Variants in PNPLA6 observed in about 807,000 individuals in gnomAD.
The protein encoded by PNPLA6 is patatin like domain 6, lysophospholipase.
Under a neutral mutation model 153.7 loss-of-function variants are expected in PNPLA6, and 105 were observed. The observed-to-expected ratio is 0.68, with a 90% CI of 0.58 to 0.80. PNPLA6 has a LOEUF of 0.80. PNPLA6 is among the 30% of genes least tolerant of loss of function. PNPLA6 has a pLI of 0.00. For missense variants in PNPLA6, 1,423 were observed against 1,919.3 expected, an observed-to-expected ratio of 0.74 and a Z score of 4.83; for synonymous variants, 825 against 822.2, an observed-to-expected ratio of 1.00 and a Z score of -0.06.
rs377397889 is a variant in PNPLA6 at position 7,543,024 on chromosome 19, C to G, written c.1548C>G (p.Asn516Lys). The G allele has an allele frequency of 1.2e-6, 2 of 1,614,040 alleles. No individual in the cohort carries two copies. Among genetic ancestry groups the G allele is most frequent in the Admixed American group, 1.7e-5 (1 of 60,024 alleles). The stretch of plus-strand genomic sequence containing the variant: ...CTCCCCAGGACCCCTCCCTCCTGAA[C>G]AGCAGAGTCTTGCTGCACCACGCCA... ...LMRIEDPSLL[N>K]SRVLLHHAKA... Residue 516 changes from asparagine (N) to lysine (K), a missense_variant, in exon 13 of 32, where the codon AAC (asparagine) becomes AAG (lysine). Transcript: ENST00000600737.
At chr19:7,538,651 G>A (rs2022983112) in intron 3 of PNPLA6, among the ~76,000 whole-genome samples, 1 of 152,268 alleles carries the variant, frequency 6.6e-6, no homozygotes, top group African/African-American at 2.4e-5. Flanking sequence ...GGGGCTATCT[G>A]GATTCTCCAC....
At position 7,551,059 on chromosome 19, in the gene PNPLA6, C is replaced by T; in HGVS notation, c.2136C>T (p.Ala712=). The T allele has an allele frequency of 1.3e-6, 2 of 1,548,090 alleles. No individual in the cohort carries two copies. Among genetic ancestry groups the T allele is most frequent in the East Asian group, 2.5e-5 (1 of 40,798 alleles). ...ACGCGGTGCGCGACACGGAGCTGGC[C>T]AAGCTTCCCGAGGGCACCTTGGGTC... ...TVHAVRDTEL[A]KLPEGTLGHI... is the part of the protein sequence containing the mutation. The change falls in exon 17 of 32, where the codon GCC becomes GCT. Residue 712 remains alanine, a synonymous_variant. Transcript: ENST00000600737.
Position 7,541,712 on chromosome 19 carries a change from C to T in PNPLA6, c.1168+28C>T, listed in dbSNP as rs558353530. The T allele has an allele frequency of 2.6e-6, 4 of 1,552,436 alleles. No individual in the cohort carries two copies. Among genetic ancestry groups the T allele is most frequent in the Non-Finnish European group, 3.5e-6 (4 of 1,152,814 alleles). Reference sequence around the variant, plus strand: ...ACCCAGGGACCCGAGGCCAGCCGAGCCCAATCTCCCAGGAAGCCCCGTCTC... The same window carrying T: ...ACCCAGGGACCCGAGGCCAGCCGAGTCCAATCTCCCAGGAAGCCCCGTCTC... On this transcript the variant is annotated intron_variant, in intron 9 of 31. Transcript: ENST00000600737. The surrounding 1 kb of genome is among the most constrained non-coding windows in gnomAD (Gnocchi z 5.2).
chr19:7,543,114 C>T, intron 13 of PNPLA6, 30 bp downstream of exon 13: 3 of 1,578,130 alleles, frequency 1.9e-6, no homozygotes, highest in Non-Finnish European at 1.7e-6. Flanking sequence ...TGTAACCATG[C>T]CACCTGAGAT....
chr19:7,543,087 G>T lies in PNPLA6; in HGVS notation c.1608+3G>T. On this transcript the variant is annotated splice_donor_region_variant and intron_variant, in intron 13 of 31. Coordinates refer to ENST00000600737, the MANE Select transcript of PNPLA6 (RefSeq NM_001166114.2). ...TCATTGCCCGCCAGGGAGACCAGGT[G>T]AGGCTGACCCCTGACCTGTAACCAT... 1 of 1,612,714 alleles carries T rather than the reference G, an allele frequency of 6.2e-7. No individual in the cohort carries two copies. Among genetic ancestry groups the T allele is most frequent in the Non-Finnish European group, 8.5e-7 (1 of 1,179,004 alleles).
Position 7,535,932 on chromosome 19 carries a change from G to A in PNPLA6, c.144G>A (p.Gln48=). 1.3e-6 allele frequency: 2 copies of A among 1,581,142 alleles called. No individual in the cohort carries two copies. The highest frequency in any genetic ancestry group is 1.7e-6 in the Non-Finnish European group (2 of 1,169,004). The change falls in exon 1 of 32, where the codon CAG becomes CAA. Residue 48 remains glutamine (Q), a synonymous_variant. Coordinates refer to ENST00000600737, the MANE Select transcript of PNPLA6 (RefSeq NM_001166114.2). This position sits in a 1 kb window ranked among gnomAD's most constrained non-coding sequence, Gnocchi z 5.0. The part of the protein sequence containing the change: ...CGAQPVPFVP[Q]VLGVMIGAGV... ...CGCAGCCAGTGCCGTTCGTCCCTCA[G>A]GTGCTTGGCGTGATGATCGGGGCCG...
In PNPLA6 at chr19:7,555,340, C is replaced by A. The variant is rs1265732248; in HGVS notation, c.2909C>A (p.Ala970Asp). Reference sequence around the variant, plus strand: ...AGGGTGCTCACGGGGAACACCATTGCCCTTGTGCTAGGCGGGGGCGGGGCC... The same window carrying A: ...AGGGTGCTCACGGGGAACACCATTGACCTTGTGCTAGGCGGGGGCGGGGCC... ...LARVLTGNTI[A>D]LVLGGGGARG... The change falls in exon 23 of 32, where the codon GCC (alanine) becomes GAC (aspartate). Residue 970 changes from alanine to aspartate, a missense_variant. This residue lies in a region of PNPLA6 where 643 missense variants were observed against 835.2 expected (regional missense o/e 0.77). Coordinates refer to ENST00000600737, the MANE Select transcript of PNPLA6 (RefSeq NM_001166114.2). The surrounding 1 kb of genome is among the most constrained non-coding windows in gnomAD (Gnocchi z 6.3). The A allele has an allele frequency of 1.3e-6, 2 of 1,565,308 alleles. No homozygotes were observed. Among genetic ancestry groups the A allele is most frequent in the African/African-American group, 1.4e-5 (1 of 73,676 alleles).
At position 7,536,322 on chromosome 19, in the gene PNPLA6, C is replaced by G. The variant is rs371399667; in HGVS notation, c.315+49C>G. 1.5e-4 allele frequency: 220 copies of G among 1,493,862 alleles called. No individual in the cohort carries two copies. The African/African-American group carries it at 2.5e-3, about 17-fold the overall frequency. 92.5% of individuals were successfully genotyped at this position (1,493,862 alleles called of 1,614,324 possible). A position where few individuals can be genotyped will look rare whatever the true frequency, so the allele number is the denominator to read the frequency against. ...CGCCCTGACCACACAGAGGCCGCGC[C>G]CCTTCCCTATTTACACTTCTTAGTG... On this transcript the variant is annotated intron_variant, in intron 2 of 31. Transcript: ENST00000600737.
intron 3 of PNPLA6, among the ~76,000 whole-genome samples, chr19:7,536,926 C>CAAAAAAAAAA (rs56310906): frequency 5.6e-5 from 3 of 53,964 alleles, no homozygotes; most frequent in African/African-American, 7.3e-5. Flanking sequence ...GACTCTGTCT[C>CAAAAAAAAAA]AAAAAAAAAA....
rs1193421885 is a variant in PNPLA6, at chr19:7,535,876, G to A, written c.88G>A (p.Gly30Arg). The change falls in exon 1 of 32, where the codon GGG (glycine) becomes AGG (arginine). Residue 30 changes from glycine (G) to arginine (R), a missense_variant. Physicochemically the swap from Gly to Arg is moderately radical, Grantham distance 125. Around this residue, in one of 10 missense-constraint regions of PNPLA6, gnomAD observed 109 missense variants for 109.4 expected, o/e 1.00. Transcript: ENST00000600737. The surrounding 1 kb of genome is among the most constrained non-coding windows in gnomAD (Gnocchi z 5.0). ...TGGGTTCCAGGACGTCCTGGCGCCC[G>A]GGGAAGGCTCGGCGGGACGGATTTG... ...RDGFQDVLAP[G>R]EGSAGRICGA... The A allele has an allele frequency of 3.9e-6, 6 of 1,543,162 alleles. No individual in the cohort carries two copies. In the Admixed American group the frequency reaches 7.8e-5, roughly 20 times the overall value.
Position 7,556,890 on chromosome 19 carries a change from C to A in PNPLA6, c.3280+166C>A, listed in dbSNP as rs545950884. ...CCACCCACTAATGCCCCGGAGACCC[C>A]AGGTACGTCCGTCCTTGGGGGAGGG... On this transcript the variant is annotated intron_variant, in intron 26 of 31. Transcript: ENST00000600737. 7.1e-6 allele frequency: 5 copies of A among 703,376 alleles called. No individual in the cohort carries two copies. The East Asian group carries it at 1.3e-4, about 19-fold the overall frequency. The allele number at this position is 703,376 out of a possible 1,614,324, so 43.6% of individuals were successfully genotyped here. A position where few individuals can be genotyped will look rare whatever the true frequency, so the allele number is the denominator to read the frequency against.
chr19:7,541,926 C>A lies in PNPLA6; in HGVS notation c.1169-58C>A. 5.5e-6 allele frequency: 8 copies of A among 1,447,710 alleles called. No individual in the cohort carries two copies. The highest frequency in any genetic ancestry group is 1.1e-5 in the South Asian group (1 of 88,052). The allele number at this position is 1,447,710 out of a possible 1,614,324, so 89.7% of individuals were successfully genotyped here. A position where few individuals can be genotyped will look rare whatever the true frequency, so the allele number is the denominator to read the frequency against. On this transcript the variant is annotated intron_variant, in intron 9 of 31. Coordinates refer to ENST00000600737, the MANE Select transcript of PNPLA6 (RefSeq NM_001166114.2). The surrounding 1 kb of genome is among the most constrained non-coding windows in gnomAD (Gnocchi z 5.2). ...TCGCCAGCATCTCCTTATCTCCCAA[C>A]CTGCTAATCCTCCTAGTGGCTCTGA...
Position 7,548,966 on chromosome 19 carries a change from C to T in PNPLA6, c.1609-941C>T, listed in dbSNP as rs1358010640. Reference sequence around the variant, plus strand: ...TACAGGCGCCCGCCACCACGCCTGGCTAATTTTTTGTACTTTTAGTAGAGA... The same window carrying T: ...TACAGGCGCCCGCCACCACGCCTGGTTAATTTTTTGTACTTTTAGTAGAGA... On this transcript the variant is annotated intron_variant, in intron 13 of 31. Coordinates refer to ENST00000600737, the MANE Select transcript of PNPLA6 (RefSeq NM_001166114.2). Among the ~76,000 whole-genome samples, 5 of 151,036 alleles carry T rather than the reference C, an allele frequency of 3.3e-5. No individual in the cohort carries two copies. In the East Asian group the frequency reaches 9.8e-4, roughly 30 times the overall value.
chr19:7,543,813 C>G (rs1006559262), intron 13 of PNPLA6, among the ~76,000 whole-genome samples: 7 of 142,264 alleles, frequency 4.9e-5, no homozygotes, highest in Middle Eastern at 7.4e-3. Flanking sequence ...TCTTTTTTTT[C>G]TTTTTTTTTT....
chr19:7,542,686 C>T lies in PNPLA6; in HGVS notation c.1362+16C>T, dbSNP rs1348189303. On this transcript the variant is annotated intron_variant, in intron 11 of 31. Coordinates refer to ENST00000600737, the MANE Select transcript of PNPLA6 (RefSeq NM_001166114.2). Reference sequence around the variant, plus strand: ...CCCCGCTCGGGTAAGGCTTGGGACCCTGCCCGGTGGTGGAGCCCGCAGGGG... The same window carrying T: ...CCCCGCTCGGGTAAGGCTTGGGACCTTGCCCGGTGGTGGAGCCCGCAGGGG... 6.2e-7 allele frequency: 1 copy of T among 1,612,142 alleles called. No homozygotes were observed. Among genetic ancestry groups the T allele is most frequent in the Admixed American group, 1.7e-5 (1 of 59,986 alleles).
chr19:7,557,067 G>T, intron 26 of PNPLA6, 101 bp from the exon 27 acceptor site: 1 of 906,968 alleles, frequency 1.1e-6, no homozygotes. Flanking sequence ...CGGGTGCTAC[G>T]TTAACAACGT....
chr19:7,555,131 G>T lies in PNPLA6; in HGVS notation c.2817+56G>T, dbSNP rs987848558. On this transcript the variant is annotated intron_variant, in intron 22 of 31. Coordinates refer to ENST00000600737, the MANE Select transcript of PNPLA6 (RefSeq NM_001166114.2). The surrounding 1 kb of genome is among the most constrained non-coding windows in gnomAD (Gnocchi z 6.3). ...GGGCGTGGCTGGTGGGCGAGGCTTG[G>T]GAGACTGGGGCGGGGCCTGGGAGGG... The T allele has an allele frequency of 6.4e-7, 1 of 1,564,694 alleles. No individual in the cohort carries two copies. Among genetic ancestry groups the T allele is most frequent in the East Asian group, 2.3e-5 (1 of 43,428 alleles).
At position 7,541,208 on chromosome 19, in the gene PNPLA6, C is replaced by G. The variant is rs1026422184; in HGVS notation, c.925-146C>G. 5 of 1,097,898 alleles carry G rather than the reference C, an allele frequency of 4.6e-6. No individual in the cohort carries two copies. The highest frequency in any genetic ancestry group is 6.7e-6 in the Non-Finnish European group (5 of 741,512). 68.0% of individuals were successfully genotyped at this position (1,097,898 alleles called of 1,614,324 possible). A position where few individuals can be genotyped will look rare whatever the true frequency, so the allele number is the denominator to read the frequency against. ...GATGTCTGCAGCCGCGGACTCCTCC[C>G]TTAGCTGCCTCGCCCCATTTCCCCA... On this transcript the variant is annotated intron_variant, in intron 7 of 31. Transcript: ENST00000600737. The surrounding 1 kb of genome is among the most constrained non-coding windows in gnomAD (Gnocchi z 5.2).
intron 27 of PNPLA6, 147 bp downstream of exon 27, chr19:7,557,431 C>T (rs1027012732): frequency 2.2e-5 from 15 of 691,626 alleles, no homozygotes; most frequent in African/African-American, 8.8e-5. Context: ...CGCACACATA[C>T]GATCACTTGC....
Sources: allele counts gnomAD v4.1 joint callset (sites outside exome capture counted in the v4.1 genomes callset), GRCh38; gene constraint gnomAD v4.1.1; regional missense constraint gnomAD v4.1.1; non-coding constraint Gnocchi (gnomAD v3.1); transcripts MANE v1.5; gene names NCBI Gene and HGNC (gene_info 2026-07-23, HGNC 2026-07-21).